The following SYT14 variants were observed in gnomAD, a reference collection of about 807,000 sequenced individuals.
SYT14 encodes synaptotagmin-14.
SYT14 carries 32 observed loss-of-function variants against 74.2 expected under a neutral mutation model. The ratio of observed to expected loss-of-function variants is 0.43; its 90% CI spans 0.33 to 0.58. The LOEUF (loss-of-function observed/expected upper bound fraction) is 0.58, where lower values mean the gene tolerates loss of function less well. Ranked by LOEUF, SYT14 falls within the 20% of genes least tolerant of loss-of-function variation. The pLI, the probability that SYT14 is intolerant of heterozygous loss-of-function variation, is 0.05. For missense variants in SYT14, 791 were observed against 981.8 expected, an observed-to-expected ratio of 0.81 and a Z score of 2.60; for synonymous variants, 298 against 337.7, an observed-to-expected ratio of 0.88 and a Z score of 1.29.
chr1:210,022,077 A>G (rs2102956759), intron 5 of SYT14, among the ~76,000 whole-genome samples: 1 of 152,372 alleles, frequency 6.6e-6, no homozygotes, highest in Non-Finnish European at 1.5e-5. Flanking sequence ...TATGAGGGAC[A>G]GAATAATATA....
Position 210,094,302 on chromosome 1 carries a change from A to G in SYT14, c.1313-20A>G, listed in dbSNP as rs1348771440. On this transcript the variant is annotated intron_variant, in intron 5 of 9. Transcript: ENST00000637265. ...TTGAGGCTAATTGGAAACAGTGACCAGATTCTTAATCATTATCAGGAAACT... is the reference window on the plus strand; with the variant it reads ...TTGAGGCTAATTGGAAACAGTGACCGGATTCTTAATCATTATCAGGAAACT... The G allele has an allele frequency of 3.7e-6, 6 of 1,613,604 alleles. No homozygotes were observed. The highest frequency in any genetic ancestry group is 5.1e-6 in the Non-Finnish European group (6 of 1,179,760).
intron 8 of SYT14, chr1:210,156,827 G>T: frequency 3.2e-6 from 1 of 308,850 alleles, no homozygotes; most frequent in Non-Finnish European, 7.1e-6. Flanking sequence ...TGAGTAGCTG[G>T]GACTACAGGC....
chr1:210,100,553 TGTCA>T lies in SYT14; in HGVS notation c.2034+96_2034+99del, dbSNP rs2082045684. ...AAATCTTTAATCAAGCCAACAAGTT[TGTCA>T]GTCTATTTTTTTACATAGTAATCAT... On this transcript the variant is annotated intron_variant, in intron 7 of 9. Coordinates refer to ENST00000637265, the Ensembl canonical transcript of SYT14. 5 of 1,285,690 alleles carry T rather than the reference TGTCA, an allele frequency of 3.9e-6. No homozygotes were observed. The East Asian group carries it at 1.2e-4, about 31-fold the overall frequency. 79.6% of individuals were successfully genotyped at this position (1,285,690 alleles called of 1,614,324 possible).
rs182024368 is a variant in SYT14, at chr1:210,166,412, A to G, written c.*5370A>G. 753 of 152,350 alleles carry G rather than the reference A, an allele frequency of 4.9e-3. 5 individuals are homozygous for G. The highest frequency in any genetic ancestry group is 8.7e-3 in the South Asian group (42 of 4,822). The allele number at this position is 152,350 out of a possible 1,614,324, so 9.4% of individuals were successfully genotyped here. A position where few individuals can be genotyped will look rare whatever the true frequency, so the allele number is the denominator to read the frequency against. Reference sequence around the variant, plus strand: ...AAAACCCCATCTCTACCAAAAATTTAAAAATTAGCTGAGCACGGTGGTGCA... The same window carrying G: ...AAAACCCCATCTCTACCAAAAATTTGAAAATTAGCTGAGCACGGTGGTGCA... On this transcript the variant is annotated 3_prime_UTR_variant, in exon 10 of 10. Transcript: ENST00000637265.
chr1:210,119,031 A>G (rs2082410090), intron 7 of SYT14, among the ~76,000 whole-genome samples: 1 of 152,218 alleles, frequency 6.6e-6, no homozygotes, highest in Non-Finnish European at 1.5e-5. Flanking sequence ...GATGATTTAT[A>G]ATAGTAGGTG....
At chr1:210,080,184 A>T (rs2081592668) in intron 5 of SYT14, among the ~76,000 whole-genome samples, 1 of 152,220 alleles carries the variant, frequency 6.6e-6, no homozygotes, top group African/African-American at 2.4e-5. Context: ...TCTACTCTGT[A>T]TATTTTAAAC....
intron 5 of SYT14, among the ~76,000 whole-genome samples, chr1:210,043,615 G>C (rs1210314900): frequency 6.6e-6 from 1 of 152,132 alleles, no homozygotes; most frequent in Admixed American, 6.6e-5. Context: ...GATGCAGTAT[G>C]GGGGCTGACA....
Position 210,062,693 on chromosome 1 carries a change from A to G in SYT14, c.1313-31629A>G, listed in dbSNP as rs571864013. ...CCTGTACCTTTCACTCCCATTTCAA[A>G]TTGGTAGAAAACAGTTCATTCTAAC... On this transcript the variant is annotated intron_variant, in intron 5 of 9. Transcript: ENST00000637265. Among the ~76,000 whole-genome samples, 9 of 152,006 alleles carry G rather than the reference A, an allele frequency of 5.9e-5. No homozygotes were observed. In the South Asian group the frequency reaches 1.9e-3, roughly 31 times the overall value.
At chr1:210,038,553 A>G (rs1166058838) in intron 5 of SYT14, among the ~76,000 whole-genome samples, 1 of 152,040 alleles carries the variant, frequency 6.6e-6, no homozygotes, top group Non-Finnish European at 1.5e-5. Context: ...TATGATGGTG[A>G]GTATCAATCT....
chr1:210,048,402 C>T lies in SYT14; in HGVS notation c.1312+27148C>T, dbSNP rs113836551. Among the ~76,000 whole-genome samples, 511 of 152,254 alleles carry T rather than the reference C, an allele frequency of 3.4e-3. 5 individuals are homozygous for T. The highest frequency in any genetic ancestry group is 0.012 in the African/African-American group (492 of 41,538). On this transcript the variant is annotated intron_variant, in intron 5 of 9. Coordinates refer to ENST00000637265, the Ensembl canonical transcript of SYT14. ...CAGTTCCACATCACTGGGGAGGCCT[C>T]ATAATCATGGCAGAAGGTGAAAGGC...
chr1:209,978,198 C>G (rs2079405532), intron 2 of SYT14, among the ~76,000 whole-genome samples: 2 of 152,166 alleles, frequency 1.3e-5, no homozygotes, highest in African/African-American at 4.8e-5. Flanking sequence ...GCCTTCTTCT[C>G]TCAACTCATC....
chr1:210,018,673 C>CA (rs1296980999), intron 4 of SYT14, among the ~76,000 whole-genome samples: 1 of 151,922 alleles, frequency 6.6e-6, no homozygotes, highest in Non-Finnish European at 1.5e-5. Flanking sequence ...CTAAAGAAAC[C>CA]AAATATTTCT....
At chr1:210,087,425 T>C (rs1272359291) in intron 5 of SYT14, among the ~76,000 whole-genome samples, 5 of 152,198 alleles carry the variant, frequency 3.3e-5, no homozygotes, top group Non-Finnish European at 5.9e-5. Flanking sequence ...CTTCTCATTC[T>C]CTGACTGCAC....
intron 1 of SYT14, among the ~76,000 whole-genome samples, chr1:209,950,203 A>G (rs1426129079): frequency 6.6e-6 from 1 of 152,184 alleles, no homozygotes; most frequent in Non-Finnish European, 1.5e-5. Context: ...TGTAACTCAA[A>G]TTAAGTTACG....
intron 5 of SYT14, among the ~76,000 whole-genome samples, chr1:210,073,173 A>G (rs907643791): frequency 6.6e-6 from 1 of 152,024 alleles, no homozygotes; most frequent in Non-Finnish European, 1.5e-5. Flanking sequence ...TTACAAAATA[A>G]TAAATTTCAA....
intron 2 of SYT14, among the ~76,000 whole-genome samples, chr1:209,968,659 G>T (rs1269205509): frequency 6.6e-6 from 1 of 150,754 alleles, no homozygotes; most frequent in African/African-American, 2.4e-5. Context: ...TTTCAGATTG[G>T]GTTCTTTTAC....
chr1:210,076,491 G>A (rs1485567846), intron 5 of SYT14, among the ~76,000 whole-genome samples: 3 of 152,102 alleles, frequency 2.0e-5, no homozygotes, highest in Non-Finnish European at 4.4e-5. Flanking sequence ...CTTTATATTT[G>A]CCTGTTCCTC....
rs368545452 is a variant in SYT14, at chr1:209,938,252, T to G, written c.-559T>G. ...CCCGCCATCCAGTTGGTGCGGTCCA[T>G]GGCGAGCGCATCATGGCGATTGAAG... On this transcript the variant is annotated 5_prime_UTR_variant, in exon 1 of 10. The change abolishes an upstream ATG in the 5' untranslated region. Coordinates refer to ENST00000637265, the Ensembl canonical transcript of SYT14. 1.3e-5 allele frequency: 20 copies of G among 1,558,244 alleles called. No individual in the cohort carries two copies. The Admixed American group carries it at 3.4e-4, about 27-fold the overall frequency.
intron 5 of SYT14, among the ~76,000 whole-genome samples, chr1:210,041,188 TA>T (rs1337486886): frequency 6.6e-6 from 1 of 152,186 alleles, no homozygotes; most frequent in African/African-American, 2.4e-5. Flanking sequence ...CATGTAAGGA[TA>T]GGGCCTAGAG....
Sources: allele counts gnomAD v4.1 joint callset (sites outside exome capture counted in the v4.1 genomes callset), GRCh38; gene constraint gnomAD v4.1.1; transcripts MANE v1.5; gene names NCBI Gene and HGNC (gene_info 2026-07-23, HGNC 2026-07-21).